BRWD1: variants seen among roughly 807,000 people sequenced by gnomAD.
BRWD1 encodes the protein bromodomain and WD repeat domain containing 1, also known as bromodomain and WD repeat-containing protein 1.
Under a neutral mutation model 251.2 loss-of-function variants are expected in BRWD1, and 82 were observed. That is an observed-to-expected ratio of 0.33 (90% CI 0.27 to 0.39). BRWD1 has a LOEUF of 0.39. BRWD1 is among the 10% of genes least tolerant of loss of function. The probability of loss-of-function intolerance (pLI) is 1.00; values close to 1 mark genes in which losing one functional copy is unlikely to be tolerated. For missense variants in BRWD1, 2,233 were observed against 2,711.6 expected, an observed-to-expected ratio of 0.82 and a Z score of 3.92; for synonymous variants, 918 against 902.8, an observed-to-expected ratio of 1.02 and a Z score of -0.30.
chr21:39,194,534 C>T lies in BRWD1; in HGVS notation c.*1725G>A. On this transcript the variant is annotated 3_prime_UTR_variant, in exon 41 of 41. Coordinates refer to ENST00000342449, the MANE Select transcript of BRWD1 (RefSeq NM_033656.4). ...TCTGAAATGGTGATAGCTCTCTAAG[C>T]CACAAATGAGAGGAGGTTTCCCACC... The T allele has an allele frequency of 7.0e-7, 1 of 1,437,996 alleles. No homozygotes were observed. Among genetic ancestry groups the T allele is most frequent in the Admixed American group, 2.8e-5 (1 of 35,978 alleles). The allele number at this position is 1,437,996 out of a possible 1,614,324, so 89.1% of individuals were successfully genotyped here. A position where few individuals can be genotyped will look rare whatever the true frequency, so the allele number is the denominator to read the frequency against.
chr21:39,275,429 A>G lies in BRWD1; in HGVS notation c.1145+744T>C, dbSNP rs181533002. 3.7e-3 allele frequency among the ~76,000 whole-genome samples: 563 copies of G among 152,332 alleles called. 6 individuals are homozygous for G. Among genetic ancestry groups the G allele is most frequent in the Middle Eastern group, 0.027 (8 of 294 alleles). ...AGAAAAACTACTTTTGGTCGCTAGA[A>G]GCTGGCAGAAACTACAATTCTAAAA... On this transcript the variant is annotated intron_variant, in intron 12 of 40. Transcript: ENST00000342449.
chr21:39,280,544 T>A (rs79683364), intron 8 of BRWD1, among the ~76,000 whole-genome samples: 1 of 151,884 alleles, frequency 6.6e-6, no homozygotes, highest in African/African-American at 2.4e-5. Context: ...ATAATTAAAA[T>A]GATCAGACAA....
intron 4 of BRWD1, among the ~76,000 whole-genome samples, chr21:39,308,311 G>A (rs1054441394): frequency 4.6e-5 from 7 of 151,894 alleles, no homozygotes; most frequent in African/African-American, 1.2e-4. Flanking sequence ...GTGAAACCCC[G>A]TCTCTACTAA....
chr21:39,320,057 C>G (rs550827412), intron 1 of BRWD1, among the ~76,000 whole-genome samples: 45 of 152,304 alleles, frequency 3.0e-4, no homozygotes, highest in South Asian at 8.3e-4. Flanking sequence ...TCTCCTCCCT[C>G]CCTGCTCCAC....
chr21:39,190,892 A>C lies in BRWD1; in HGVS notation c.*5367T>G. The C allele has an allele frequency of 1.0e-6, 1 of 985,376 alleles. No individual in the cohort carries two copies. Among genetic ancestry groups the C allele is most frequent in the South Asian group, 4.7e-5 (1 of 21,290 alleles). The allele number at this position is 985,376 out of a possible 1,614,324, so 61.0% of individuals were successfully genotyped here. ...AGGGTTCATTTACTCAATGATGGGCACCACACAACTCTGAATTTTTGTTCT... is the reference window on the plus strand; with the variant it reads ...AGGGTTCATTTACTCAATGATGGGCCCCACACAACTCTGAATTTTTGTTCT... On this transcript the variant is annotated 3_prime_UTR_variant, in exon 41 of 41. Transcript: ENST00000342449.
At chr21:39,297,442 C>T (rs2035990468) in intron 5 of BRWD1, 8 of 979,194 alleles carry the variant, frequency 8.2e-6, no homozygotes, top group South Asian at 4.7e-5. Context: ...TAAATCACTG[C>T]TCATCACAAA....
chr21:39,209,778 T>C (rs2032576085), intron 36 of BRWD1: 1 of 398,964 alleles, frequency 2.5e-6, no homozygotes, highest in Non-Finnish European at 4.4e-6. Context: ...TTTGAGGAGA[T>C]TATGATAAAC....
At chr21:39,264,844 A>G (rs1395937743) in intron 16 of BRWD1, 47 bp downstream of exon 16, 1 of 1,592,944 alleles carries the variant, frequency 6.3e-7, no homozygotes, top group Non-Finnish European at 8.5e-7. Context: ...TCCAAAACAC[A>G]GCTGATAACT....
intron 37 of BRWD1, among the ~76,000 whole-genome samples, chr21:39,204,499 A>G (rs1440082598): frequency 6.6e-6 from 1 of 152,234 alleles, no homozygotes. Context: ...TTACTGAGAA[A>G]GTTAATAAAT....
chr21:39,198,663 A>C, intron 40 of BRWD1, 100 bp downstream of exon 40: 1 of 1,025,290 alleles, frequency 9.8e-7, no homozygotes, highest in Non-Finnish European at 1.4e-6. Flanking sequence ...AAGAGAAAAA[A>C]GTTTCAAGGG....
chr21:39,230,983 A>C (rs2033592354), intron 25 of BRWD1, among the ~76,000 whole-genome samples: 1 of 152,208 alleles, frequency 6.6e-6, no homozygotes, highest in Non-Finnish European at 1.5e-5. Flanking sequence ...ACAGAATCCA[A>C]GAATAATGAG....
intron 15 of BRWD1, among the ~76,000 whole-genome samples, chr21:39,266,687 A>G (rs2034932806): frequency 6.6e-6 from 1 of 152,254 alleles, no homozygotes; most frequent in Admixed American, 6.5e-5. Context: ...ATTCCTGACA[A>G]AACGCAACCT....
chr21:39,205,696 G>A (rs573359510), intron 37 of BRWD1, among the ~76,000 whole-genome samples: 6 of 152,136 alleles, frequency 3.9e-5, no homozygotes, highest in Admixed American at 6.5e-5. Flanking sequence ...TGCTTGACCC[G>A]GGAGGCAGAG....
chr21:39,299,941 T>C (rs2036062687), intron 4 of BRWD1, among the ~76,000 whole-genome samples: 1 of 151,874 alleles, frequency 6.6e-6, no homozygotes, highest in Non-Finnish European at 1.5e-5. Context: ...AAGATCATGC[T>C]ATAGCACTCC....
intron 23 of BRWD1, among the ~76,000 whole-genome samples, chr21:39,234,064 T>C (rs1164238874): frequency 6.6e-6 from 1 of 152,188 alleles, no homozygotes; most frequent in Non-Finnish European, 1.5e-5. Flanking sequence ...AGTTTATGTG[T>C]GACTTCATGA....
At position 39,244,492 on chromosome 21, in the gene BRWD1, A is replaced by G. The variant is rs145939690; in HGVS notation, c.2481+3209T>C. 5.3e-5 allele frequency among the ~76,000 whole-genome samples: 8 copies of G among 152,336 alleles called. No individual in the cohort carries two copies. The East Asian group carries it at 1.4e-3, about 26-fold the overall frequency. On this transcript the variant is annotated intron_variant, in intron 21 of 40. Coordinates refer to ENST00000342449, the MANE Select transcript of BRWD1 (RefSeq NM_033656.4). ...CTACTTGTTGGAATGATGAAATTAG[A>G]TAACGTGTAAACCATTTAGAATAGT...
At chr21:39,221,858 T>C (rs1465294892) in intron 29 of BRWD1, among the ~76,000 whole-genome samples, 1 of 151,408 alleles carries the variant, frequency 6.6e-6, no homozygotes, top group Non-Finnish European at 1.5e-5. Context: ...GAGTCGCGAT[T>C]GCACCACTGC....
chr21:39,270,173 A>G lies in BRWD1; in HGVS notation c.1395+110T>C. 3 of 1,215,022 alleles carry G rather than the reference A, an allele frequency of 2.5e-6. No homozygotes were observed. The South Asian group carries it at 6.3e-5, about 25-fold the overall frequency. The allele number at this position is 1,215,022 out of a possible 1,614,324, so 75.3% of individuals were successfully genotyped here. A position where few individuals can be genotyped will look rare whatever the true frequency, so the allele number is the denominator to read the frequency against. On this transcript the variant is annotated intron_variant, in intron 14 of 40. Transcript: ENST00000342449. ...AATTATAAAAATTTCTAATCATTTC[A>G]TAGTTTACATGAGAGAAACAACTTG...
At chr21:39,263,933 G>C (rs2034836342) in intron 17 of BRWD1, among the ~76,000 whole-genome samples, 2 of 152,122 alleles carry the variant, frequency 1.3e-5, no homozygotes, top group South Asian at 4.1e-4. Context: ...TGTCAAAAAT[G>C]CATAACCGGA....
Sources: gnomAD v4.1 joint callset for allele counts (sites outside exome capture counted in the v4.1 genomes callset) on GRCh38, gnomAD v4.1.1 for gene constraint, MANE v1.5 for transcripts, NCBI Gene and HGNC (gene_info 2026-07-23, HGNC 2026-07-21) for gene names.